MACROD2: variants seen among roughly 807,000 people sequenced by gnomAD.
MACROD2 encodes ADP-ribose glycohydrolase MACROD2.
MACROD2 carries 36 observed loss-of-function variants against 70.4 expected under a neutral mutation model. That is an observed-to-expected ratio of 0.51 (90% confidence interval 0.39 to 0.68). The LOEUF (loss-of-function observed/expected upper bound fraction) is 0.68. MACROD2 is among the 30% of genes least tolerant of loss of function. The pLI, the probability that MACROD2 is intolerant of heterozygous loss-of-function variation, is 0.00. For missense variants in MACROD2, 496 were observed against 538.4 expected (o/e 0.92, Z 0.78); for synonymous variants, 172 against 178.8 (o/e 0.96, Z 0.30).
chr20:15,154,456 C>T (rs1462644228), intron 5 of MACROD2, among the ~76,000 whole-genome samples: 1 of 152,200 alleles, frequency 6.6e-6, no homozygotes, highest in Non-Finnish European at 1.5e-5. Context: ...ACTTTAAAGA[C>T]AGAGTTAGCT....
intron 7 of MACROD2, among the ~76,000 whole-genome samples, chr20:15,498,326 A>G (rs2047323698): frequency 6.6e-6 from 1 of 152,192 alleles, no homozygotes; most frequent in South Asian, 2.1e-4. Flanking sequence ...TTGAACTACT[A>G]GAATACATAT....
At chr20:15,979,394 C>G (rs1241921476) in intron 13 of MACROD2, among the ~76,000 whole-genome samples, 1 of 152,136 alleles carries the variant, frequency 6.6e-6, no homozygotes, top group Non-Finnish European at 1.5e-5. Flanking sequence ...CTAAACAAGT[C>G]ACATGAACAG....
chr20:14,045,300 G>A (rs1370611798), intron 2 of MACROD2, among the ~76,000 whole-genome samples: 4 of 152,242 alleles, frequency 2.6e-5, no homozygotes, highest in Admixed American at 1.3e-4. Flanking sequence ...AGGAGGCGCC[G>A]AGAGCAAGCG....
intron 4 of MACROD2, among the ~76,000 whole-genome samples, chr20:14,618,755 G>T (rs2030753415): frequency 3.3e-5 from 5 of 152,114 alleles, no homozygotes; most frequent in Admixed American, 3.3e-4. Flanking sequence ...TTTGCTGAAA[G>T]TTTGAAACCA....
chr20:15,359,707 A>C lies in MACROD2; in HGVS notation c.541-71698A>C, dbSNP rs554256388. Among the ~76,000 whole-genome samples the C allele has an allele frequency of 8.5e-4, 130 of 152,212 alleles. 1 individual carries two copies. The highest frequency in any genetic ancestry group is 3.4e-3 in the Middle Eastern group (1 of 294). ...TGTAAAACTTACATCCCTTGTCACTAATTAAAAGAGAATTTAATTTTTTTA... is the reference window on the plus strand; with the variant it reads ...TGTAAAACTTACATCCCTTGTCACTCATTAAAAGAGAATTTAATTTTTTTA... On this transcript the variant is annotated intron_variant, in intron 6 of 17. Coordinates refer to ENST00000684519, the MANE Select transcript of MACROD2 (RefSeq NM_001351661.2).
At chr20:15,898,557 A>AAC (rs2065010104) in intron 10 of MACROD2, among the ~76,000 whole-genome samples, 2 of 151,014 alleles carry the variant, frequency 1.3e-5, no homozygotes, top group Admixed American at 6.6e-5. Flanking sequence ...TCTAAAAAAA[A>AAC]AAAAAAAAAA....
chr20:14,852,129 G>A (rs552339675), intron 5 of MACROD2, among the ~76,000 whole-genome samples: 2 of 152,276 alleles, frequency 1.3e-5, no homozygotes, highest in South Asian at 4.1e-4. Context: ...CTCCATGAGG[G>A]ATGGGAGCAG....
chr20:14,988,162 G>A lies in MACROD2; in HGVS notation c.419-241778G>A, dbSNP rs984122112. Among the ~76,000 whole-genome samples the A allele has an allele frequency of 2.0e-5, 3 of 151,944 alleles. No individual in the cohort carries two copies. The South Asian group carries it at 6.2e-4, about 32-fold the overall frequency. Reference sequence around the variant, plus strand: ...GCAGATCACCTGAGGTCAGGAGTTCGAGATGAGCCTGGGCAACATGGCGAA... The same window carrying A: ...GCAGATCACCTGAGGTCAGGAGTTCAAGATGAGCCTGGGCAACATGGCGAA... On this transcript the variant is annotated intron_variant, in intron 5 of 17. Transcript: ENST00000684519.
At chr20:15,296,981 T>G (rs1429172580) in intron 6 of MACROD2, among the ~76,000 whole-genome samples, 1 of 152,148 alleles carries the variant, frequency 6.6e-6, no homozygotes, top group African/African-American at 2.4e-5. Flanking sequence ...CCCAGCGTAG[T>G]AAATTGTTTG....
chr20:14,270,415 C>A (rs886446910), intron 3 of MACROD2, among the ~76,000 whole-genome samples: 5 of 151,992 alleles, frequency 3.3e-5, no homozygotes, highest in African/African-American at 1.2e-4. Context: ...TATGTTGAAA[C>A]CCTGTCTCTA....
intron 8 of MACROD2, among the ~76,000 whole-genome samples, chr20:15,664,617 G>GCT (rs1438327849): frequency 2.6e-5 from 4 of 152,158 alleles, no homozygotes; most frequent in African/African-American, 9.7e-5. Flanking sequence ...TCTGGGTTTG[G>GCT]CTCCTCACTG....
chr20:15,625,887 C>T (rs540785084), intron 8 of MACROD2, among the ~76,000 whole-genome samples: 29 of 110,808 alleles, frequency 2.6e-4, no homozygotes, highest in African/African-American at 9.0e-4. Context: ...AAATTTGTAT[C>T]AGTTATCCTT....
chr20:15,782,815 C>T (rs2051857386), intron 8 of MACROD2, among the ~76,000 whole-genome samples: 1 of 149,272 alleles, frequency 6.7e-6, no homozygotes, highest in African/African-American at 2.5e-5. Context: ...CCTTAAACAG[C>T]ATTCTTCATT....
At chr20:14,036,151 A>G (rs1222439925) in intron 2 of MACROD2, among the ~76,000 whole-genome samples, 1 of 152,208 alleles carries the variant, frequency 6.6e-6, no homozygotes, top group African/African-American at 2.4e-5. Context: ...CAAAAAAAAA[A>G]AAAAGCTAGC....
At chr20:15,767,006 C>T (rs1479178849) in intron 8 of MACROD2, among the ~76,000 whole-genome samples, 2 of 152,196 alleles carry the variant, frequency 1.3e-5, no homozygotes, top group African/African-American at 4.8e-5. Flanking sequence ...AAGCCAATTA[C>T]GTGTTCAAGC....
intron 5 of MACROD2, among the ~76,000 whole-genome samples, chr20:15,131,855 T>C (rs1191372832): frequency 6.6e-6 from 1 of 152,020 alleles, no homozygotes; most frequent in African/African-American, 2.4e-5. Flanking sequence ...ATTGCATTTG[T>C]TATATCAATG....
At chr20:15,052,706 C>G (rs1048091369) in intron 5 of MACROD2, among the ~76,000 whole-genome samples, 7 of 152,120 alleles carry the variant, frequency 4.6e-5, no homozygotes, top group African/African-American at 7.2e-5. Flanking sequence ...GTTAATAACT[C>G]TACAATGGCC....
At chr20:15,690,504 A>G (rs1185104067) in intron 8 of MACROD2, among the ~76,000 whole-genome samples, 3 of 152,202 alleles carry the variant, frequency 2.0e-5, no homozygotes, top group Admixed American at 6.5e-5. Flanking sequence ...GGGCAGCACC[A>G]TAAGGATCTG....
intron 5 of MACROD2, among the ~76,000 whole-genome samples, chr20:15,075,684 C>T (rs543463607): frequency 6.6e-6 from 1 of 152,290 alleles, no homozygotes; most frequent in East Asian, 1.9e-4. Context: ...GTAAACTCCT[C>T]CTTGTGTCTT....
Sources: allele counts gnomAD v4.1 joint callset (sites outside exome capture counted in the v4.1 genomes callset), GRCh38; gene constraint gnomAD v4.1.1; transcripts MANE v1.5; gene names NCBI Gene and HGNC (gene_info 2026-07-23, HGNC 2026-07-21).